SEMA6D: variants seen among roughly 807,000 people sequenced by gnomAD.
SEMA6D encodes the protein semaphorin-6D.
SEMA6D carries 35 observed loss-of-function variants against 106.6 expected under a neutral mutation model. That is an observed-to-expected ratio of 0.33 (90% CI 0.25 to 0.44). The LOEUF (loss-of-function observed/expected upper bound fraction) is 0.44. Ranked by LOEUF, SEMA6D falls within the 20% of genes least tolerant of loss-of-function variation. SEMA6D has a pLI of 1.00. For missense variants in SEMA6D, 1,185 were observed against 1,345.9 expected, an observed-to-expected ratio of 0.88 and a Z score of 1.87; for synonymous variants, 499 against 487.7, an observed-to-expected ratio of 1.02 and a Z score of -0.31.
At chr15:47,500,897 T>A (rs1383674034) in intron 3 of SEMA6D, among the ~76,000 whole-genome samples, 1 of 152,178 alleles carries the variant, frequency 6.6e-6, no homozygotes, top group Non-Finnish European at 1.5e-5. Flanking sequence ...TGTTAAACTT[T>A]CCTTTTGACT....
chr15:47,563,894 A>T (rs2046152259), intron 3 of SEMA6D, among the ~76,000 whole-genome samples: 1 of 152,214 alleles, frequency 6.6e-6, no homozygotes, highest in Non-Finnish European at 1.5e-5. Flanking sequence ...GGCAAAAAAT[A>T]AGTAACTGCC....
chr15:47,423,710 T>C (rs368023113), intron 2 of SEMA6D, among the ~76,000 whole-genome samples: 18 of 152,128 alleles, frequency 1.2e-4, no homozygotes, highest in African/African-American at 4.3e-4. Context: ...AGTAAACAAG[T>C]TAGAGTATGG....
At chr15:47,299,949 A>G (rs1282734559) in intron 1 of SEMA6D, among the ~76,000 whole-genome samples, 1 of 152,118 alleles carries the variant, frequency 6.6e-6, no homozygotes, top group Non-Finnish European at 1.5e-5. Context: ...AACCCTAGCA[A>G]TTGTACAGAG....
intron 3 of SEMA6D, among the ~76,000 whole-genome samples, chr15:47,531,852 T>C (rs535423631): frequency 6.6e-6 from 1 of 152,328 alleles, no homozygotes; most frequent in African/African-American, 2.4e-5. Flanking sequence ...TTATGGACTG[T>C]TCTTTGCATG....
At chr15:47,428,967 C>T (rs114461562) in intron 2 of SEMA6D, among the ~76,000 whole-genome samples, 1,894 of 143,544 alleles carry the variant, frequency 0.013, 52 homozygotes, top group African/African-American at 0.047. Flanking sequence ...AAGGAAGGGC[C>T]GAAAGAAGGA....
chr15:47,548,748 C>T (rs1270831004), intron 3 of SEMA6D, among the ~76,000 whole-genome samples: 5 of 151,988 alleles, frequency 3.3e-5, no homozygotes, highest in East Asian at 1.9e-4. Context: ...TACACATGTA[C>T]GTATATATAC....
chr15:47,304,021 A>T (rs2036126735), intron 1 of SEMA6D, among the ~76,000 whole-genome samples: 1 of 152,202 alleles, frequency 6.6e-6, no homozygotes, highest in African/African-American at 2.4e-5. Context: ...GGAGGGTGTT[A>T]CATTTAAATA....
chr15:47,450,128 A>T (rs1198138585), intron 2 of SEMA6D, among the ~76,000 whole-genome samples: 2 of 152,158 alleles, frequency 1.3e-5, no homozygotes, highest in Non-Finnish European at 2.9e-5. Context: ...TTGCACAGGC[A>T]AAGACCCTCC....
chr15:47,681,194 G>A (rs2078345772), intron 4 of SEMA6D, among the ~76,000 whole-genome samples: 1 of 152,174 alleles, frequency 6.6e-6, no homozygotes, highest in Non-Finnish European at 1.5e-5. Context: ...AAATGCATAT[G>A]AAAATATGAA....
chr15:47,442,791 T>A (rs1366204953), intron 2 of SEMA6D, among the ~76,000 whole-genome samples: 1 of 152,132 alleles, frequency 6.6e-6, no homozygotes, highest in Non-Finnish European at 1.5e-5. Flanking sequence ...CAGAGTCACC[T>A]TTTGTGGGTG....
chr15:47,636,145 A>C (rs1427078264), intron 4 of SEMA6D, among the ~76,000 whole-genome samples: 1 of 152,132 alleles, frequency 6.6e-6, no homozygotes, highest in African/African-American at 2.4e-5. Context: ...GGATGATAGA[A>C]ATGTTCTCAC....
intron 3 of SEMA6D, among the ~76,000 whole-genome samples, chr15:47,504,674 C>T (rs561975129): frequency 9.2e-5 from 14 of 152,242 alleles, no homozygotes; most frequent in African/African-American, 3.4e-4. Flanking sequence ...TTAATATGCC[C>T]TCTAAGTGGA....
intron 1 of SEMA6D, among the ~76,000 whole-genome samples, chr15:47,752,019 G>A (rs182309126): frequency 5.9e-4 from 90 of 152,302 alleles, no homozygotes; most frequent in African/African-American, 2.0e-3. Flanking sequence ...AGAAGCACAA[G>A]AGGGATAGAG....
At chr15:47,512,190 G>A (rs2044254456) in intron 3 of SEMA6D, among the ~76,000 whole-genome samples, 1 of 152,168 alleles carries the variant, frequency 6.6e-6, no homozygotes, top group Non-Finnish European at 1.5e-5. Flanking sequence ...GTTAGCATCA[G>A]GTTTTGCACA....
At chr15:47,537,308 C>T (rs944021298) in intron 3 of SEMA6D, among the ~76,000 whole-genome samples, 1 of 152,116 alleles carries the variant, frequency 6.6e-6, no homozygotes, top group African/African-American at 2.4e-5. Flanking sequence ...AGAACAAATA[C>T]AACTTGTATG....
intron 1 of SEMA6D, among the ~76,000 whole-genome samples, chr15:47,230,672 C>CA (rs1373978906): frequency 1.3e-5 from 2 of 152,028 alleles, no homozygotes; most frequent in Non-Finnish European, 2.9e-5. Flanking sequence ...CCTTGGCCAG[C>CA]AACTGTCGGC....
Position 47,390,469 on chromosome 15 carries a change from T to C in SEMA6D, c.-238-21924T>C, listed in dbSNP as rs993449832. On this transcript the variant is annotated intron_variant, in intron 1 of 19. Coordinates refer to the SEMA6D transcript ENST00000558014. ...GGCCAAGTATATTCATTTCATGAAA[T>C]TGGGTAGGAAAGAGGGAGTGAATAT... 2.6e-5 allele frequency among the ~76,000 whole-genome samples: 4 copies of C among 152,194 alleles called. No individual in the cohort carries two copies. In the East Asian group the frequency reaches 7.7e-4, roughly 29 times the overall value.
intron 1 of SEMA6D, among the ~76,000 whole-genome samples, chr15:47,357,103 G>A (rs762058483): frequency 3.9e-5 from 6 of 151,984 alleles, no homozygotes; most frequent in Non-Finnish European, 8.8e-5. Context: ...GGGAGGCGGA[G>A]GCGGGCGGAT....
chr15:47,523,484 G>A (rs1046989377), intron 3 of SEMA6D, among the ~76,000 whole-genome samples: 6 of 151,970 alleles, frequency 3.9e-5, no homozygotes, highest in Non-Finnish European at 7.4e-5. Flanking sequence ...CAGAGGAAAA[G>A]GGCAGGTGCA....
Sources: gnomAD v4.1 joint callset for allele counts (sites outside exome capture counted in the v4.1 genomes callset) on GRCh38, gnomAD v4.1.1 for gene constraint, MANE v1.5 for transcripts, NCBI Gene and HGNC (gene_info 2026-07-23, HGNC 2026-07-21) for gene names.